AP3B2: variants seen among roughly 807,000 people sequenced by gnomAD.
AP3B2 encodes the protein adaptor related protein complex 3 subunit beta 2.
Under a neutral mutation model 126.9 loss-of-function variants are expected in AP3B2, and 50 were observed. The observed-to-expected ratio is 0.39, with a 90% CI of 0.31 to 0.50. The LOEUF (loss-of-function observed/expected upper bound fraction) is 0.50, where lower values mean the gene tolerates loss of function less well. Among genes scored for constraint, AP3B2 ranks in the 20% least tolerant of loss-of-function variants. AP3B2 has a pLI of 0.79. For missense variants in AP3B2, 1,177 were observed against 1,426.4 expected (o/e 0.83, Z 2.82); for synonymous variants, 541 against 565.0 (o/e 0.96, Z 0.60).
At chr15:82,704,200 C>T (rs1007920921) in intron 1 of AP3B2, among the ~76,000 whole-genome samples, 20 of 152,208 alleles carry the variant, frequency 1.3e-4, no homozygotes, top group African/African-American at 4.8e-4. Context: ...CCCTGAGACG[C>T]TTTACAGCCC....
rs1029835130 is a variant in AP3B2 at position 82,664,023 on chromosome 15, C to T, written c.2262-48G>A. On this transcript the variant is annotated intron_variant, in intron 19 of 26. Transcript: ENST00000535359. This position sits in a 1 kb window ranked among gnomAD's most constrained non-coding sequence, Gnocchi z 4.5. ...CTCAGGCCTGGCCTGGACACTCCCT[C>T]CTTGCTTCACAGAAGCAGGAGAAAT... is the stretch of plus-strand genomic sequence containing the variant. 5.1e-6 allele frequency: 8 copies of T among 1,563,320 alleles called. No individual in the cohort carries two copies. The highest frequency in any genetic ancestry group is 6.9e-6 in the Non-Finnish European group (8 of 1,159,138).
chr15:82,689,768 T>C, intron 1 of AP3B2: 1 of 316,954 alleles, frequency 3.2e-6, no homozygotes, highest in Non-Finnish European at 6.0e-6. Flanking sequence ...CCTACTCTAA[T>C]AGAGTGGGTC....
In AP3B2 at chr15:82,659,610, C is replaced by T. The variant is rs776258409; in HGVS notation, c.3256G>A (p.Val1086Met). 2 of 1,613,960 alleles carry T rather than the reference C, an allele frequency of 1.2e-6. No homozygotes were observed. The highest frequency in any genetic ancestry group is 3.3e-5 in the Admixed American group (2 of 60,018). ...AQLTVNSEKM[V>M]IGTMLVKDVI... The stretch of plus-strand genomic sequence containing the variant: ...TCCTTTACCAGCATGGTGCCAATCA[C>T]CATTTTCTCGCTGTTGACAGTCAGC... Residue 1086 changes from valine (V) to methionine (M), a missense_variant, in exon 27 of 27, where the codon GTG becomes ATG. Val to Met is a conservative substitution (Grantham distance 21). Transcript: ENST00000535359.
chr15:82,685,401 G>A (rs2040643400), intron 4 of AP3B2: 2 of 152,112 alleles, frequency 1.3e-5, no homozygotes, highest in South Asian at 2.1e-4. Context: ...AGAGAATGAC[G>A]GGAATAGAAC....
chr15:82,693,819 G>C (rs981482511), intron 1 of AP3B2, among the ~76,000 whole-genome samples: 1 of 151,926 alleles, frequency 6.6e-6, no homozygotes, highest in East Asian at 1.9e-4. Context: ...TCCTGCCTCA[G>C]CCTCCAGAAT....
At chr15:82,667,001 T>C in intron 14 of AP3B2, 68 bp from the exon 15 acceptor site, 1 of 1,493,310 alleles carries the variant, frequency 6.7e-7, no homozygotes, top group South Asian at 1.3e-5. Flanking sequence ...AGAAACAGAT[T>C]CTTTAAGCCG....
rs1231127689 is a variant in AP3B2, at chr15:82,676,626, G to A, written c.1500C>T (p.Ala500=). 6.2e-7 allele frequency: 1 copy of A among 1,613,814 alleles called. No individual in the cohort carries two copies. Among genetic ancestry groups the A allele is most frequent in the Admixed American group, 1.7e-5 (1 of 60,016 alleles). ...CGATGAGCCACAGGATGCTGGCTCG[G>A]GCCATGGGCACCTGTGGTTGTGGGA... The part of the protein sequence containing the change: ...KLTDNIQVPM[A]RASILWLIGE... Residue 500 remains alanine, a synonymous_variant, in exon 14 of 27, where the codon GCC becomes GCT. Coordinates refer to ENST00000535359, the MANE Select transcript of AP3B2 (RefSeq NM_001278512.2).
At chr15:82,682,999 A>G (rs2048366884) in intron 4 of AP3B2, among the ~76,000 whole-genome samples, 2 of 148,382 alleles carry the variant, frequency 1.3e-5, no homozygotes, top group African/African-American at 4.9e-5. Context: ...GTAATATTCT[A>G]AATCCTTTGT....
chr15:82,700,397 CT>C (rs1226910164), intron 1 of AP3B2, among the ~76,000 whole-genome samples: 3,701 of 35,030 alleles, frequency 0.11, 639 homozygotes, highest in Admixed American at 0.2. Context: ...TGGTGGGTGG[CT>C]TTTTTTTTTT....
chr15:82,665,312 G>A lies in AP3B2; in HGVS notation c.1972-9C>T. On this transcript the variant is annotated splice_polypyrimidine_tract_variant and intron_variant, in intron 16 of 26. Transcript: ENST00000535359. This position sits in a 1 kb window ranked among gnomAD's most constrained non-coding sequence, Gnocchi z 4.4. ...AGGGAGAGATCTTCTTCCTGTGTGT[G>A]TGGGGGAGGGTGTTAGGAGGGCTGG... 3 of 1,573,944 alleles carry A rather than the reference G, an allele frequency of 1.9e-6. No individual in the cohort carries two copies. Among genetic ancestry groups the A allele is most frequent in the Non-Finnish European group, 2.6e-6 (3 of 1,167,444 alleles).
At chr15:82,663,103 G>GGTCCCCTCCTCCATCCCA in intron 22 of AP3B2, 24 bp downstream of exon 22, 1 of 1,584,960 alleles carries the variant, frequency 6.3e-7, no homozygotes, top group South Asian at 1.1e-5. Flanking sequence ...GCCCCAGCCC[G>GGTCCCCTCCTCCATCCCA]GTCCCCTCCT....
intron 3 of AP3B2, 133 bp downstream of exon 3, chr15:82,689,025 T>C: frequency 1.8e-6 from 2 of 1,115,680 alleles, no homozygotes; most frequent in Non-Finnish European, 2.7e-6. Context: ...GGAGACAGTG[T>C]CTTCTCCTGG....
Position 82,692,033 on chromosome 15 carries a change from G to C in AP3B2, c.114-2580C>G, listed in dbSNP as rs2048543677. The C allele has an allele frequency of 2.0e-6, 3 of 1,474,798 alleles. No individual in the cohort carries two copies. The African/African-American group carries it at 4.2e-5, about 21-fold the overall frequency. The allele number at this position is 1,474,798 out of a possible 1,614,324, so 91.4% of individuals were successfully genotyped here. On this transcript the variant is annotated intron_variant, in intron 1 of 26. Transcript: ENST00000535359. Reference sequence around the variant, plus strand: ...CAGGTCCTGCCAGCTGCCTGAGGAAGTCCTGAAACAAGAACTCGGAAATCA... The same window carrying C: ...CAGGTCCTGCCAGCTGCCTGAGGAACTCCTGAAACAAGAACTCGGAAATCA...
intron 23 of AP3B2, 40 bp downstream of exon 23, chr15:82,662,654 C>A: frequency 6.4e-7 from 1 of 1,555,668 alleles, no homozygotes; most frequent in South Asian, 1.2e-5. Context: ...TGACTCTGCC[C>A]AGGAGCCTCC....
chr15:82,709,476 C>G, intron 1 of AP3B2, 118 bp downstream of exon 1: 1 of 602,284 alleles, frequency 1.7e-6, no homozygotes, highest in Non-Finnish European at 2.1e-6. Flanking sequence ...GGCGGGCTTC[C>G]GGTCGGCGCG....
intron 23 of AP3B2, 71 bp downstream of exon 23, chr15:82,662,623 T>G: frequency 7.0e-7 from 1 of 1,422,522 alleles, no homozygotes; most frequent in South Asian, 1.3e-5. Flanking sequence ...ACAAGGAGGG[T>G]ATCAGCAACC....
Position 82,709,708 on chromosome 15 carries a change from G to C in AP3B2, c.-2C>G, listed in dbSNP as rs971124040. 3 of 1,480,040 alleles carry C rather than the reference G, an allele frequency of 2.0e-6. No individual in the cohort carries two copies. The African/African-American group carries it at 4.4e-5, about 22-fold the overall frequency. 91.7% of individuals were successfully genotyped at this position (1,480,040 alleles called of 1,614,324 possible). On this transcript the variant is annotated 5_prime_UTR_variant, in exon 1 of 27. Transcript: ENST00000535359. ...GCTGTAGGCGGGGGCGGCCGACATG[G>C]GGCGGCCAGGGAGACTTCGCCGAGG... is the stretch of plus-strand genomic sequence containing the variant.
chr15:82,660,685 T>C (rs1333218491), intron 25 of AP3B2, among the ~76,000 whole-genome samples: 4 of 152,210 alleles, frequency 2.6e-5, no homozygotes, highest in African/African-American at 9.6e-5. Context: ...TCCCCTATTC[T>C]TCACCTCCTT....
At chr15:82,704,823 A>C (rs1375448173) in intron 1 of AP3B2, among the ~76,000 whole-genome samples, 3 of 152,168 alleles carry the variant, frequency 2.0e-5, no homozygotes, top group African/African-American at 7.2e-5. Context: ...TTCTTAATCA[A>C]TACGGAGGCT....
Sources: gnomAD v4.1 joint callset for allele counts (sites outside exome capture counted in the v4.1 genomes callset) on GRCh38, gnomAD v4.1.1 for gene constraint, Gnocchi (gnomAD v3.1) non-coding constraint, MANE v1.5 for transcripts, NCBI Gene and HGNC (gene_info 2026-07-23, HGNC 2026-07-21) for gene names.